STIM2: variants seen among roughly 807,000 people sequenced by gnomAD.
STIM2 encodes stromal interaction molecule 2.
A neutral mutation model predicts 85.8 loss-of-function variants in STIM2; 31 were observed. That is an observed-to-expected ratio of 0.36 (90% confidence interval 0.27 to 0.49). STIM2 has a LOEUF of 0.49. Ranked by LOEUF, STIM2 falls within the 20% of genes least tolerant of loss-of-function variation. The pLI, the probability that STIM2 is intolerant of heterozygous loss-of-function variation, is 0.98. For missense variants in STIM2, 841 were observed against 927.6 expected (o/e 0.91, Z 1.21); for synonymous variants, 356 against 331.1 (o/e 1.08, Z -0.82).
At position 27,022,508 on chromosome 4, in the gene STIM2, GT is replaced by G. The variant is rs753644934; in HGVS notation, c.1764-8del. 52 of 1,566,460 alleles carry G rather than the reference GT, an allele frequency of 3.3e-5. No homozygotes were observed. Among genetic ancestry groups the G allele is most frequent in the Non-Finnish European group, 3.9e-5 (45 of 1,151,092 alleles). On this transcript the variant is annotated splice_polypyrimidine_tract_variant and intron_variant, in intron 11 of 11. Transcript: ENST00000467087. ...ATTTAAAATTTGTACCTTTGTTTGT[GT>G]TTCATTCAGGGAAGTGCCAGACACA...
At chr4:26,921,575 T>C (rs1724798354) in intron 2 of STIM2, among the ~76,000 whole-genome samples, 1 of 152,216 alleles carries the variant, frequency 6.6e-6, no homozygotes, top group Non-Finnish European at 1.5e-5. Context: ...GCCAGCCATA[T>C]TTGGCCTGCA....
intron 2 of STIM2, among the ~76,000 whole-genome samples, chr4:26,923,093 G>C (rs1560208590): frequency 6.6e-6 from 1 of 151,038 alleles, no homozygotes; most frequent in Non-Finnish European, 1.5e-5. Flanking sequence ...GCCTAACTGG[G>C]AGGCACCCCC....
intron 3 of STIM2, 39 bp from the exon 4 acceptor site, chr4:26,995,340 G>T: frequency 9.6e-7 from 1 of 1,041,438 alleles, no homozygotes; most frequent in Admixed American, 2.5e-5. Context: ...CTGAAAGCAG[G>T]TGTGTTTAAA....
At chr4:26,939,143 G>A (rs1725506063) in intron 2 of STIM2, among the ~76,000 whole-genome samples, 1 of 152,044 alleles carries the variant, frequency 6.6e-6, no homozygotes, top group African/African-American at 2.4e-5. Flanking sequence ...TAGCACTCTA[G>A]GGGCTTGCTT....
chr4:26,910,558 A>G (rs1210115663), intron 1 of STIM2, among the ~76,000 whole-genome samples: 1 of 152,008 alleles, frequency 6.6e-6, no homozygotes. Context: ...CAAAAAGCCA[A>G]ACTAAAATAA....
intron 1 of STIM2, among the ~76,000 whole-genome samples, chr4:26,882,787 T>G (rs1723060168): frequency 6.6e-6 from 1 of 151,718 alleles, no homozygotes; most frequent in African/African-American, 2.4e-5. Flanking sequence ...CTTCAACTAC[T>G]ATATGTAAAT....
At chr4:26,891,425 G>A (rs189562471) in intron 1 of STIM2, among the ~76,000 whole-genome samples, 92 of 152,238 alleles carry the variant, frequency 6.0e-4, no homozygotes, top group Non-Finnish European at 1.1e-3. Context: ...ACTCTTGCCT[G>A]CACTACAGAT....
intron 1 of STIM2, among the ~76,000 whole-genome samples, chr4:26,868,997 T>C (rs915018164): frequency 6.6e-6 from 1 of 152,170 alleles, no homozygotes; most frequent in Admixed American, 6.5e-5. Flanking sequence ...CTGATGTTTA[T>C]TCCGTGTTTG....
intron 1 of STIM2, chr4:26,873,731 C>A: frequency 1.1e-6 from 1 of 878,750 alleles, no homozygotes; most frequent in Non-Finnish European, 1.9e-6. Context: ...TGCTGAATTT[C>A]TGCCTCCACA....
chr4:27,020,490 G>A (rs1728872952), intron 11 of STIM2, among the ~76,000 whole-genome samples: 2 of 152,328 alleles, frequency 1.3e-5, no homozygotes, highest in Admixed American at 6.5e-5. Context: ...GCACACGTAG[G>A]TGTATTATGT....
intron 2 of STIM2, among the ~76,000 whole-genome samples, chr4:26,922,880 G>C (rs989607987): frequency 1.3e-5 from 2 of 152,098 alleles, no homozygotes; most frequent in African/African-American, 2.4e-5. Flanking sequence ...CAGGGTTTTA[G>C]GATCTCTGTG....
chr4:26,933,309 A>C (rs1725270177), intron 2 of STIM2, among the ~76,000 whole-genome samples: 1 of 152,194 alleles, frequency 6.6e-6, no homozygotes, highest in Non-Finnish European at 1.5e-5. Flanking sequence ...TTAACAGAAA[A>C]GTTATTATAT....
chr4:26,934,861 C>A (rs1274037816), intron 2 of STIM2, among the ~76,000 whole-genome samples: 1 of 144,094 alleles, frequency 6.9e-6, no homozygotes, highest in African/African-American at 2.6e-5. Flanking sequence ...TGTAGTGAGC[C>A]GAGATCGCGC....
intron 1 of STIM2, among the ~76,000 whole-genome samples, chr4:26,911,503 T>C (rs1408456544): frequency 2.6e-5 from 4 of 152,188 alleles, no homozygotes; most frequent in Non-Finnish European, 5.9e-5. Context: ...TTTAGAATAG[T>C]ACTTAAGCCA....
At chr4:26,921,649 T>G (rs536979685) in intron 2 of STIM2, among the ~76,000 whole-genome samples, 13 of 152,258 alleles carry the variant, frequency 8.5e-5, no homozygotes, top group Non-Finnish European at 1.5e-4. Flanking sequence ...TGTTCCTTTT[T>G]CTTCCTTTCC....
intron 1 of STIM2, among the ~76,000 whole-genome samples, chr4:26,898,243 A>G (rs1723782589): frequency 6.6e-6 from 1 of 152,128 alleles, no homozygotes; most frequent in Admixed American, 6.5e-5. Context: ...AACTTGTTCT[A>G]TCTCATTTCC....
chr4:26,956,668 A>C (rs1726254713), intron 2 of STIM2, among the ~76,000 whole-genome samples: 1 of 151,908 alleles, frequency 6.6e-6, no homozygotes, highest in South Asian at 2.1e-4. Flanking sequence ...TTGAATTAAA[A>C]GTAGTAGCTT....
intron 3 of STIM2, among the ~76,000 whole-genome samples, chr4:26,988,633 C>T (rs1282763138): frequency 1.3e-5 from 2 of 152,168 alleles, no homozygotes; most frequent in Non-Finnish European, 2.9e-5. Context: ...ATTTACGAAT[C>T]TTTTATACCT....
intron 7 of STIM2, among the ~76,000 whole-genome samples, chr4:27,007,075 GT>G (rs1179736654): frequency 2.0e-5 from 3 of 152,162 alleles, no homozygotes; most frequent in East Asian, 3.8e-4. Flanking sequence ...GGAGTAGAAC[GT>G]GTATCCACCC....
Sources: gnomAD v4.1 joint callset for allele counts (sites outside exome capture counted in the v4.1 genomes callset) on GRCh38, gnomAD v4.1.1 for gene constraint, MANE v1.5 for transcripts, NCBI Gene and HGNC (gene_info 2026-07-23, HGNC 2026-07-21) for gene names.